The following MATCAP2 variants were observed in gnomAD, a reference collection of about 807,000 sequenced individuals.
MATCAP2 encodes putative tyrosine carboxypeptidase MATCAP2.
the MATCAP2 span, among the ~76,000 whole-genome samples, chr7:36,375,109 C>T: frequency 3.3e-5 from 5 of 152,122 alleles, no homozygotes; most frequent in Admixed American, 1.3e-4. Flanking sequence ...CTTGAGGAAT[C>T]GCCACACTGT....
chr7:36,356,385 G>T, the MATCAP2 span: 1 of 159,898 alleles, frequency 6.3e-6, no homozygotes, highest in Admixed American at 6.0e-5. Context: ...TATGGTGGCG[G>T]GTGCCTGTAG....
At chr7:36,347,672 G>A in the MATCAP2 span, among the ~76,000 whole-genome samples, 723 of 152,278 alleles carry the variant, frequency 4.7e-3, 5 homozygotes, top group African/African-American at 0.017. Context: ...TATGACTGTA[G>A]AAAGTACTTA....
the MATCAP2 span, among the ~76,000 whole-genome samples, chr7:36,383,122 A>C: frequency 6.6e-6 from 1 of 152,208 alleles, no homozygotes; most frequent in South Asian, 2.1e-4. Flanking sequence ...CTAGAAAAAA[A>C]ATCTATGTGA....
At chr7:36,376,661 T>C in the MATCAP2 span, among the ~76,000 whole-genome samples, 52 of 152,174 alleles carry the variant, frequency 3.4e-4, no homozygotes, top group Admixed American at 3.3e-4. Context: ...ACCTTCTGTC[T>C]CGTTGATCTG....
At chr7:36,359,946 G>T in the MATCAP2 span, among the ~76,000 whole-genome samples, 1 of 152,258 alleles carries the variant, frequency 6.6e-6, no homozygotes, top group Admixed American at 6.5e-5. Flanking sequence ...GGGAAAGACT[G>T]AAAGAACTCA....
chr7:36,372,942 T>C, the MATCAP2 span, among the ~76,000 whole-genome samples: 2 of 151,998 alleles, frequency 1.3e-5, no homozygotes, highest in Non-Finnish European at 2.9e-5. Context: ...CTGTCTGTAC[T>C]AAAAATTCAA....
At chr7:36,373,304 T>A in the MATCAP2 span, among the ~76,000 whole-genome samples, 2 of 152,040 alleles carry the variant, frequency 1.3e-5, no homozygotes, top group South Asian at 4.2e-4. Context: ...GCACGGCAAA[T>A]CGGTAAAGTA....
chr7:36,383,664 G>T, the MATCAP2 span, among the ~76,000 whole-genome samples: 2 of 152,126 alleles, frequency 1.3e-5, no homozygotes, highest in Non-Finnish European at 2.9e-5. Context: ...GGTCTGTAGG[G>T]GGGTGGAGAG....
chr7:36,373,509 T>C, the MATCAP2 span, among the ~76,000 whole-genome samples: 1 of 152,144 alleles, frequency 6.6e-6, no homozygotes, highest in Admixed American at 6.5e-5. Context: ...TGGACCCACA[T>C]GAAGGTCAGT....
At chr7:36,340,071 C>T in the MATCAP2 span, among the ~76,000 whole-genome samples, 4 of 152,138 alleles carry the variant, frequency 2.6e-5, no homozygotes, top group Admixed American at 2.6e-4. Flanking sequence ...ACCATGTTGG[C>T]CAGGCTGGTC....
chr7:36,350,532 C>T, the MATCAP2 span, among the ~76,000 whole-genome samples: 17 of 117,676 alleles, frequency 1.4e-4, 1 homozygote, highest in South Asian at 9.3e-4. Context: ...GACTGTGTTC[C>T]TTTTTTTTTT....
At chr7:36,368,004 T>C in the MATCAP2 span, among the ~76,000 whole-genome samples, 1 of 150,452 alleles carries the variant, frequency 6.6e-6, no homozygotes, top group South Asian at 2.1e-4. Flanking sequence ...GGTGAGAATG[T>C]AGTGAGCCAT....
At chr7:36,358,032 A>G in the MATCAP2 span, among the ~76,000 whole-genome samples, 733 of 152,086 alleles carry the variant, frequency 4.8e-3, 8 homozygotes, top group African/African-American at 0.016. Context: ...CCCTGTCTCT[A>G]CCAAAAAATA....
the MATCAP2 span, among the ~76,000 whole-genome samples, chr7:36,373,880 G>C: frequency 6.6e-6 from 1 of 151,964 alleles, no homozygotes; most frequent in Non-Finnish European, 1.5e-5. Flanking sequence ...CATCTCCCAG[G>C]TTCAAGCGAT....
the MATCAP2 span, chr7:36,355,979 C>T: frequency 6.6e-6 from 1 of 152,172 alleles, no homozygotes; most frequent in Non-Finnish European, 1.5e-5. Flanking sequence ...AAGTATTATT[C>T]ATAACGTTCA....
At chr7:36,386,801 C>G in the MATCAP2 span, among the ~76,000 whole-genome samples, 1 of 152,148 alleles carries the variant, frequency 6.6e-6, no homozygotes, top group Non-Finnish European at 1.5e-5. Flanking sequence ...TGGGGAGGAA[C>G]TAGAGCAGCA....
chr7:36,345,873 T>A, the MATCAP2 span, among the ~76,000 whole-genome samples: 142,893 of 152,232 alleles, frequency 0.94, 67,278 homozygotes, highest in South Asian at 0.98. Flanking sequence ...ATTGTGCTTC[T>A]AAGGATACTA....
chr7:36,387,583 G>T, the MATCAP2 span, among the ~76,000 whole-genome samples: 1 of 152,116 alleles, frequency 6.6e-6, no homozygotes, highest in Admixed American at 6.5e-5. Flanking sequence ...AATATCTACC[G>T]TAGTTTCTGG....
chr7:36,330,471 C>T, the MATCAP2 span, among the ~76,000 whole-genome samples: 6 of 151,974 alleles, frequency 3.9e-5, no homozygotes, highest in East Asian at 1.9e-4. Flanking sequence ...TTAAAAGAGA[C>T]GAAGGATTAT....
Sources: gnomAD v4.1 joint callset for allele counts (sites outside exome capture counted in the v4.1 genomes callset) on GRCh38, gnomAD v4.1.1 for gene constraint, MANE v1.5 for transcripts, NCBI Gene and HGNC (gene_info 2026-07-23, HGNC 2026-07-21) for gene names.